The following ATAD2 variants were observed in gnomAD, a reference collection of about 807,000 sequenced individuals.
ATAD2 encodes ATPase family AAA domain containing 2.
In ATAD2, 62 loss-of-function variants were observed where a neutral mutation model predicts 168.9. That is an observed-to-expected ratio of 0.37 (90% CI 0.30 to 0.45). The LOEUF (loss-of-function observed/expected upper bound fraction) is 0.45. Ranked by LOEUF, ATAD2 falls within the 20% of genes least tolerant of loss-of-function variation. ATAD2 has a pLI of 1.00. For synonymous variants in ATAD2, 613 were observed against 571.6 expected (o/e 1.07, Z -1.03); for missense variants, 1,419 against 1,667.8 (o/e 0.85, Z 2.60).
intron 1 of ATAD2, among the ~76,000 whole-genome samples, chr8:123,393,918 A>AAAC (rs1812710271): frequency 2.0e-5 from 3 of 152,280 alleles, no homozygotes; most frequent in East Asian, 1.9e-4. Flanking sequence ...TTCTGTCTCA[A>AAAC]AATAATAAAT....
At chr8:123,343,686 C>T (rs1018840472) in intron 19 of ATAD2, among the ~76,000 whole-genome samples, 2 of 151,988 alleles carry the variant, frequency 1.3e-5, no homozygotes, top group African/African-American at 4.8e-5. Context: ...ACAAAGGTGA[C>T]AAAAAATAGT....
chr8:123,408,602 C>T (rs1267260566), intron 1 of ATAD2, among the ~76,000 whole-genome samples: 5 of 152,258 alleles, frequency 3.3e-5, no homozygotes, highest in East Asian at 1.9e-4. Flanking sequence ...CTGAACCCTC[C>T]GCCTCTGGGG....
chr8:123,397,367 A>G (rs2130002061), upstream of ATAD2, among the ~76,000 whole-genome samples: 1 of 152,340 alleles, frequency 6.6e-6, no homozygotes, highest in Non-Finnish European at 1.5e-5. Context: ...TATAATCGGA[A>G]AGTAACTCCG....
At chr8:123,407,691 A>G (rs1813085626) in intron 1 of ATAD2, among the ~76,000 whole-genome samples, 1 of 151,856 alleles carries the variant, frequency 6.6e-6, no homozygotes, top group Non-Finnish European at 1.5e-5. Context: ...CATCTCTACT[A>G]AAAATACAAA....
upstream of ATAD2, among the ~76,000 whole-genome samples, chr8:123,399,686 C>T (rs1812972138): frequency 6.6e-6 from 1 of 151,636 alleles, no homozygotes; most frequent in African/African-American, 2.4e-5. Context: ...GAAACCCCAT[C>T]TCTACCAAAA....
intron 19 of ATAD2, among the ~76,000 whole-genome samples, chr8:123,340,705 A>G (rs886635751): frequency 3.3e-5 from 5 of 152,230 alleles, no homozygotes; most frequent in African/African-American, 1.2e-4. Flanking sequence ...AAGACACAAA[A>G]GACAAATACA....
At chr8:123,399,682 C>G (rs911251372), upstream of ATAD2, among the ~76,000 whole-genome samples, 1 of 151,684 alleles carries the variant, frequency 6.6e-6, no homozygotes, top group Non-Finnish European at 1.5e-5. Flanking sequence ...TGGAGAAACC[C>G]CATCTCTACC....
chr8:123,400,626 G>T, upstream of ATAD2: 2 of 645,178 alleles, frequency 3.1e-6, no homozygotes, highest in South Asian at 1.5e-5. This position sits in a 1 kb window ranked among gnomAD's most constrained non-coding sequence, Gnocchi z 4.5. Context: ...CCGAGGACGG[G>T]CTCACCACGC....
At chr8:123,398,980 T>C (rs956532773), upstream of ATAD2, among the ~76,000 whole-genome samples, 8 of 152,170 alleles carry the variant, frequency 5.3e-5, no homozygotes, top group African/African-American at 1.4e-4. Flanking sequence ...ATACTATTTA[T>C]GGCTGGGCAC....
At chr8:123,401,280 C>T, upstream of ATAD2, 2 of 1,103,076 alleles carry the variant, frequency 1.8e-6, no homozygotes, top group East Asian at 2.4e-5. Flanking sequence ...ACCCTGTGGC[C>T]TCCAAGGATT....
chr8:123,383,273 A>G (rs1482686967), intron 1 of ATAD2, among the ~76,000 whole-genome samples: 2 of 152,128 alleles, frequency 1.3e-5, no homozygotes, highest in Non-Finnish European at 2.9e-5. Context: ...GCAGCAAACC[A>G]CCATGGCACA....
chr8:123,344,341 A>G (rs1267147381), intron 19 of ATAD2, among the ~76,000 whole-genome samples: 2 of 150,224 alleles, frequency 1.3e-5, no homozygotes, highest in Non-Finnish European at 3.0e-5. Context: ...CATTTTTTAA[A>G]TACTTTTTTT....
chr8:123,370,635 A>G (rs1413951274), intron 6 of ATAD2, among the ~76,000 whole-genome samples: 2 of 152,138 alleles, frequency 1.3e-5, no homozygotes, highest in African/African-American at 4.8e-5. Context: ...TTAAACTAAA[A>G]AAGAGATATA....
intron 9 of ATAD2, among the ~76,000 whole-genome samples, chr8:123,360,890 C>T (rs1563850121): frequency 6.6e-6 from 1 of 151,140 alleles, no homozygotes; most frequent in Non-Finnish European, 1.5e-5. Context: ...ATGAGTAAAG[C>T]CTTCCGTTTT....
chr8:123,396,419 A>C lies in ATAD2; in HGVS notation c.-62T>G. 3.5e-6 allele frequency: 5 copies of C among 1,435,200 alleles called. No homozygotes were observed. The highest frequency in any genetic ancestry group is 4.6e-6 in the Non-Finnish European group (5 of 1,094,062). 88.9% of individuals were successfully genotyped at this position (1,435,200 alleles called of 1,614,324 possible). On this transcript the variant is annotated 5_prime_UTR_variant, in exon 1 of 28. Coordinates refer to ENST00000287394, the MANE Select transcript of ATAD2 (RefSeq NM_014109.4). ...GAGAGATCCAGCTCCAGGCGCTCGC[A>C]GCTCTGGCTCTTCCGCGCTCCGAAT... is the stretch of plus-strand genomic sequence containing the variant.
chr8:123,345,176 C>CG, intron 18 of ATAD2, 107 bp from the exon 19 acceptor site: 1 of 967,698 alleles, frequency 1.0e-6, no homozygotes, highest in Non-Finnish European at 1.4e-6. Context: ...CATATAAAGT[C>CG]CTCAAGTTTT....
intron 8 of ATAD2, among the ~76,000 whole-genome samples, chr8:123,368,175 T>C (rs1370135355): frequency 6.6e-6 from 1 of 152,182 alleles, no homozygotes; most frequent in Non-Finnish European, 1.5e-5. Flanking sequence ...CCCAGCACTT[T>C]GGGAAGCTGA....
At chr8:123,360,923 ATCAT>A (rs1332983769) in intron 9 of ATAD2, among the ~76,000 whole-genome samples, 1 of 150,572 alleles carries the variant, frequency 6.6e-6, no homozygotes, top group Non-Finnish European at 1.5e-5. Flanking sequence ...CTCAGAACTT[ATCAT>A]TATTATAAGC....
chr8:123,369,243 G>T, intron 7 of ATAD2, 68 bp from the exon 8 acceptor site: 1 of 606,896 alleles, frequency 1.6e-6, no homozygotes, highest in Non-Finnish European at 2.2e-6. Flanking sequence ...TATGTATGAA[G>T]ATAATTTTGC....
Sources: allele counts gnomAD v4.1 joint callset (sites outside exome capture counted in the v4.1 genomes callset), GRCh38; gene constraint gnomAD v4.1.1; non-coding constraint Gnocchi (gnomAD v3.1); transcripts MANE v1.5; gene names NCBI Gene and HGNC (gene_info 2026-07-23, HGNC 2026-07-21).